The following MACROD2 variants were observed in gnomAD, a reference collection of about 807,000 sequenced individuals.
MACROD2 encodes the protein ADP-ribose glycohydrolase MACROD2.
MACROD2 carries 36 observed loss-of-function variants against 70.4 expected under a neutral mutation model. That is an observed-to-expected ratio of 0.51 (90% CI 0.39 to 0.68). The LOEUF is 0.68. MACROD2 is among the 30% of genes least tolerant of loss of function. MACROD2 has a pLI of 0.00. For synonymous variants in MACROD2, 172 were observed against 178.8 expected, an observed-to-expected ratio of 0.96 and a Z score of 0.30; for missense variants, 496 against 538.4, an observed-to-expected ratio of 0.92 and a Z score of 0.78.
At position 15,467,917 on chromosome 20, in the gene MACROD2, A is replaced by G. The variant is rs74671287; in HGVS notation, c.572-31857A>G. Among the ~76,000 whole-genome samples the G allele has an allele frequency of 5.5e-3, 838 of 152,232 alleles. 7 individuals are homozygous for G. Among genetic ancestry groups the G allele is most frequent in the African/African-American group, 0.019 (785 of 41,520 alleles). On this transcript the variant is annotated intron_variant, in intron 7 of 17. Coordinates refer to ENST00000684519, the MANE Select transcript of MACROD2 (RefSeq NM_001351661.2). ...AAATGAAAGTTTCTGTGATGTTAAG[A>G]TTGTATGCTACTATTCAGTAAATGT...
At chr20:16,026,474 T>C (rs2067082284) in intron 15 of MACROD2, among the ~76,000 whole-genome samples, 3 of 152,208 alleles carry the variant, frequency 2.0e-5, no homozygotes, top group Admixed American at 6.5e-5. Flanking sequence ...TGGATTACAG[T>C]TGACCAGGCA....
At chr20:14,343,239 T>TA (rs5840609) in intron 3 of MACROD2, among the ~76,000 whole-genome samples, 56,041 of 145,936 alleles carry the variant, frequency 0.38, 11,736 homozygotes, top group Non-Finnish European at 0.49. Flanking sequence ...TTTAAAATGT[T>TA]AAAAAAAAAA....
At chr20:15,841,728 C>T (rs188500114) in intron 8 of MACROD2, among the ~76,000 whole-genome samples, 18 of 152,188 alleles carry the variant, frequency 1.2e-4, no homozygotes, top group Admixed American at 1.1e-3. Context: ...AGAGCCAAAC[C>T]ATGTCAAGGG....
At chr20:14,926,442 C>G (rs2074233052) in intron 5 of MACROD2, among the ~76,000 whole-genome samples, 1 of 151,622 alleles carries the variant, frequency 6.6e-6, no homozygotes, top group Non-Finnish European at 1.5e-5. Context: ...CCCAGCTACT[C>G]AGGAGACTGA....
intron 15 of MACROD2, among the ~76,000 whole-genome samples, chr20:16,013,105 A>T (rs2066884873): frequency 6.6e-6 from 1 of 152,168 alleles, no homozygotes; most frequent in African/African-American, 2.4e-5. Context: ...ACTTGAACCC[A>T]GGAGGCAGAG....
chr20:14,455,298 A>G (rs909329645), intron 3 of MACROD2, among the ~76,000 whole-genome samples: 5 of 151,880 alleles, frequency 3.3e-5, no homozygotes, highest in Non-Finnish European at 7.3e-5. Flanking sequence ...ACTTTTTGAT[A>G]GAAAGAGCTC....
At chr20:14,551,544 C>T (rs1978654168) in intron 4 of MACROD2, among the ~76,000 whole-genome samples, 1 of 152,028 alleles carries the variant, frequency 6.6e-6, no homozygotes, top group African/African-American at 2.4e-5. Flanking sequence ...ACAAATATGC[C>T]AGGTGGCCTG....
chr20:15,034,869 A>G (rs868332709), intron 5 of MACROD2, among the ~76,000 whole-genome samples: 9 of 152,200 alleles, frequency 5.9e-5, no homozygotes, highest in Admixed American at 1.3e-4. Context: ...ATTGTTGGAC[A>G]TTTAACCTGG....
intron 3 of MACROD2, among the ~76,000 whole-genome samples, chr20:14,485,318 C>T (rs951445028): frequency 2.0e-5 from 3 of 152,178 alleles, no homozygotes; most frequent in Non-Finnish European, 2.9e-5. Flanking sequence ...TAGTTAGAGT[C>T]ATGGTATATT....
At chr20:14,056,004 T>C (rs1315320704) in intron 2 of MACROD2, among the ~76,000 whole-genome samples, 1 of 152,022 alleles carries the variant, frequency 6.6e-6, no homozygotes, top group Non-Finnish European at 1.5e-5. Flanking sequence ...TTTCTGTTGA[T>C]TGATTGATTA....
intron 5 of MACROD2, among the ~76,000 whole-genome samples, chr20:14,776,082 T>G (rs2072230076): frequency 6.6e-6 from 1 of 151,986 alleles, no homozygotes; most frequent in Non-Finnish European, 1.5e-5. Context: ...TTGCCATGAC[T>G]GCTCATCAGT....
intron 8 of MACROD2, among the ~76,000 whole-genome samples, chr20:15,726,920 G>A (rs914165267): frequency 1.2e-4 from 18 of 152,076 alleles, no homozygotes; most frequent in African/African-American, 4.3e-4. Flanking sequence ...CCATGCAAAA[G>A]CTCTTTATTT....
chr20:15,040,751 C>G, intron 5 of MACROD2, among the ~76,000 whole-genome samples: 1 of 152,132 alleles, frequency 6.6e-6, no homozygotes, highest in East Asian at 1.9e-4. Flanking sequence ...TATTAAGCAT[C>G]TTAGCTATGC....
intron 4 of MACROD2, among the ~76,000 whole-genome samples, chr20:14,610,089 T>C (rs1983065200): frequency 6.6e-6 from 1 of 152,168 alleles, no homozygotes; most frequent in Non-Finnish European, 1.5e-5. Context: ...TGGTCCCTGC[T>C]TTAAGTTGAG....
chr20:15,842,733 G>GATAGATAGATAA (rs2064186942), intron 8 of MACROD2, among the ~76,000 whole-genome samples: 1 of 36,498 alleles, frequency 2.7e-5, no homozygotes, highest in African/African-American at 1.8e-4. Context: ...TAGATAGATA[G>GATAGATAGATAA]ATAGATAGAT....
At chr20:15,933,188 A>G (rs1027291988) in intron 10 of MACROD2, 88 bp from the exon 11 acceptor site, 38 of 1,321,216 alleles carry the variant, frequency 2.9e-5, no homozygotes, top group South Asian at 3.7e-5. Context: ...ATTGGTTACA[A>G]TTAATTTCAG....
chr20:14,931,505 A>T (rs536484877), intron 5 of MACROD2, among the ~76,000 whole-genome samples: 3 of 152,158 alleles, frequency 2.0e-5, no homozygotes, highest in Non-Finnish European at 4.4e-5. Flanking sequence ...GGTATGCTTG[A>T]GTTATTGCTG....
chr20:14,771,763 CAT>C (rs1491581621), intron 5 of MACROD2, among the ~76,000 whole-genome samples: 4 of 150,164 alleles, frequency 2.7e-5, no homozygotes, highest in Admixed American at 2.0e-4. Flanking sequence ...CACACACACA[CAT>C]ACACATATGG....
intron 3 of MACROD2, among the ~76,000 whole-genome samples, chr20:14,100,835 A>AACAT (rs1321857035): frequency 4.1e-5 from 5 of 123,066 alleles, no homozygotes; most frequent in Admixed American, 8.7e-5. Flanking sequence ...TAACATATAT[A>AACAT]ATATAATATA....
Sources: allele counts gnomAD v4.1 joint callset (sites outside exome capture counted in the v4.1 genomes callset), GRCh38; gene constraint gnomAD v4.1.1; transcripts MANE v1.5; gene names NCBI Gene and HGNC (gene_info 2026-07-23, HGNC 2026-07-21).